The following STK32B variants were observed in gnomAD, a reference collection of about 807,000 sequenced individuals.
STK32B encodes the protein serine/threonine kinase 32B, also known as serine/threonine-protein kinase 32B.
A neutral mutation model predicts 52.6 loss-of-function variants in STK32B; 43 were observed. That is an observed-to-expected ratio of 0.82 (90% CI 0.64 to 1.05). The LOEUF is 1.05. STK32B is among the 50% of genes least tolerant of loss of function. The pLI, the probability that STK32B is intolerant of heterozygous loss-of-function variation, is 0.00. For synonymous variants in STK32B, 238 were observed against 204.3 expected (o/e 1.17, Z -1.41); for missense variants, 621 against 534.6 (o/e 1.16, Z -1.59).
chr4:5,466,907 G>T (rs546214641), intron 10 of STK32B, 73 bp downstream of exon 10: 2 of 1,516,702 alleles, frequency 1.3e-6, no homozygotes, highest in Non-Finnish European at 1.8e-6. Flanking sequence ...CCAGGCCACT[G>T]TTTAGCAAAA....
intron 3 of STK32B, among the ~76,000 whole-genome samples, chr4:5,323,887 C>G (rs1190887857): frequency 5.3e-5 from 8 of 152,216 alleles, no homozygotes; most frequent in African/African-American, 1.2e-4. Flanking sequence ...AGCACAGAGT[C>G]TAGGTTCTGG....
intron 3 of STK32B, among the ~76,000 whole-genome samples, chr4:5,255,691 G>A (rs988480493): frequency 6.6e-6 from 1 of 151,992 alleles, no homozygotes; most frequent in Non-Finnish European, 1.5e-5. Context: ...ACTGTTTTAT[G>A]TTTGGCTACT....
chr4:5,369,462 G>C (rs1007863925), intron 4 of STK32B, among the ~76,000 whole-genome samples: 2 of 151,982 alleles, frequency 1.3e-5, no homozygotes, highest in Non-Finnish European at 2.9e-5. Flanking sequence ...CAGGCAGCAG[G>C]CTCACTGCCC....
At chr4:5,260,776 A>G (rs1307076954) in intron 3 of STK32B, among the ~76,000 whole-genome samples, 1 of 152,140 alleles carries the variant, frequency 6.6e-6, no homozygotes, top group African/African-American at 2.4e-5. Flanking sequence ...AGCAAGAAGG[A>G]GGTCTACTAA....
chr4:5,443,332 C>T (rs1408812496), intron 6 of STK32B, among the ~76,000 whole-genome samples: 4 of 151,454 alleles, frequency 2.6e-5, no homozygotes, highest in Non-Finnish European at 5.9e-5. Context: ...CTAAACTTCC[C>T]TTCTCGCTTC....
chr4:5,051,889 C>G lies in STK32B; in HGVS notation c.26C>G (p.Pro9Arg). 6.2e-7 allele frequency: 1 copy of G among 1,600,666 alleles called. No homozygotes were observed. Residue 9 changes from proline (P) to arginine (R), a missense_variant, in exon 1 of 12, where the codon CCC becomes CGC. Coordinates refer to ENST00000282908, the MANE Select transcript of STK32B (RefSeq NM_018401.3). Reference protein sequence around the residue: MGGNHSHKPPVFDENEEVN... With the variant: MGGNHSHKRPVFDENEEVN... Reference sequence around the variant, plus strand: ...ATGGGCGGGAACCACTCCCACAAGCCCCCCGTGTTTGACGAGAATGAGGAA... The same window carrying G: ...ATGGGCGGGAACCACTCCCACAAGCGCCCCGTGTTTGACGAGAATGAGGAA...
intron 1 of STK32B, among the ~76,000 whole-genome samples, chr4:5,109,699 C>T (rs1268354924): frequency 6.6e-6 from 1 of 152,162 alleles, no homozygotes; most frequent in Non-Finnish European, 1.5e-5. Context: ...AAGTTGAAAG[C>T]ATTTTCCCTA....
chr4:5,187,578 C>T (rs907242186), intron 3 of STK32B, among the ~76,000 whole-genome samples: 10 of 147,048 alleles, frequency 6.8e-5, no homozygotes, highest in African/African-American at 2.6e-4. Context: ...AACCAGCTCT[C>T]CAGGATGGGG....
At chr4:5,381,039 A>G (rs1365293760) in intron 4 of STK32B, among the ~76,000 whole-genome samples, 2 of 152,064 alleles carry the variant, frequency 1.3e-5, no homozygotes, top group African/African-American at 4.8e-5. Context: ...TTTTCCTCCC[A>G]TTCCTTGTCT....
chr4:5,442,915 G>C (rs1326160456), intron 6 of STK32B, among the ~76,000 whole-genome samples: 1 of 151,996 alleles, frequency 6.6e-6, no homozygotes, highest in Admixed American at 6.5e-5. Context: ...TTTTCTTTAA[G>C]AATGTTGAAT....
At chr4:5,434,857 T>G (rs1022910736) in intron 6 of STK32B, among the ~76,000 whole-genome samples, 2 of 152,178 alleles carry the variant, frequency 1.3e-5, no homozygotes, top group East Asian at 1.9e-4. Context: ...ATGGCCCCCC[T>G]AAGATCGCAA....
intron 3 of STK32B, among the ~76,000 whole-genome samples, chr4:5,238,412 T>C (rs1398598432): frequency 6.6e-6 from 1 of 152,104 alleles, no homozygotes; most frequent in Non-Finnish European, 1.5e-5. Context: ...CATCTTAGAA[T>C]CAGGACCCAC....
chr4:5,331,544 AT>A, intron 4 of STK32B, 151 bp downstream of exon 4: 6 of 804,312 alleles, frequency 7.5e-6, no homozygotes, highest in Non-Finnish European at 1.1e-5. Context: ...TTTTCTTCCT[AT>A]TTTTTTATGT....
At chr4:5,178,777 A>T (rs13105905) in intron 3 of STK32B, among the ~76,000 whole-genome samples, 2 of 152,178 alleles carry the variant, frequency 1.3e-5, no homozygotes, top group East Asian at 3.9e-4. Flanking sequence ...CAGGCCTCTC[A>T]TCTCCATCTG....
intron 3 of STK32B, among the ~76,000 whole-genome samples, chr4:5,185,192 G>A (rs1254846443): frequency 6.6e-6 from 1 of 152,212 alleles, no homozygotes; most frequent in Non-Finnish European, 1.5e-5. Context: ...CTAATTGGCT[G>A]TATTTACTAG....
chr4:5,019,598 G>T, the STK32B span: 2 of 760,778 alleles, frequency 2.6e-6, no homozygotes, highest in Non-Finnish European at 3.7e-6. Flanking sequence ...CACCGGGCAG[G>T]GTCGGGACAG....
chr4:5,478,477 G>C (rs1300752861), intron 11 of STK32B, among the ~76,000 whole-genome samples: 1 of 152,170 alleles, frequency 6.6e-6, no homozygotes, highest in Non-Finnish European at 1.5e-5. Context: ...AATGCTTCTG[G>C]CCAAAGGCTG....
At chr4:5,383,973 T>C (rs1050126049) in intron 4 of STK32B, among the ~76,000 whole-genome samples, 2 of 149,950 alleles carry the variant, frequency 1.3e-5, no homozygotes, top group African/African-American at 2.5e-5. Flanking sequence ...GGAGGGGAGG[T>C]GATAGGGAGC....
the STK32B span, among the ~76,000 whole-genome samples, chr4:5,045,575 CTCTCT>C: frequency 6.6e-6 from 1 of 152,104 alleles, no homozygotes; most frequent in East Asian, 1.9e-4. Context: ...TGTTTGTATC[CTCTCT>C]TATTTCCTTG....
Sources: gnomAD v4.1 joint callset for allele counts (sites outside exome capture counted in the v4.1 genomes callset) on GRCh38, gnomAD v4.1.1 for gene constraint, MANE v1.5 for transcripts, NCBI Gene and HGNC (gene_info 2026-07-23, HGNC 2026-07-21) for gene names.